RNF214: variants seen among roughly 807,000 people sequenced by gnomAD.
RNF214 encodes the protein ring finger protein 214.
RNF214 carries 25 observed loss-of-function variants against 75.9 expected under a neutral mutation model. The observed-to-expected ratio is 0.33, with a 90% CI of 0.24 to 0.46. The LOEUF (loss-of-function observed/expected upper bound fraction) is 0.46, where lower values mean the gene tolerates loss of function less well. Among genes scored for constraint, RNF214 ranks in the 20% least tolerant of loss-of-function variants. The pLI, the probability that RNF214 is intolerant of heterozygous loss-of-function variation, is 1.00. For synonymous variants in RNF214, 314 were observed against 308.8 expected (o/e 1.02, Z -0.18); for missense variants, 725 against 857.5 (o/e 0.85, Z 1.93).
chr11:117,253,613 G>C (rs1333081816), intron 6 of RNF214, among the ~76,000 whole-genome samples: 1 of 152,050 alleles, frequency 6.6e-6, no homozygotes. Context: ...AGGCCAAGGC[G>C]GGAGGATTGC....
At chr11:117,257,947 A>G (rs1466915552) in intron 6 of RNF214, among the ~76,000 whole-genome samples, 1 of 152,210 alleles carries the variant, frequency 6.6e-6, no homozygotes, top group African/African-American at 2.4e-5. Context: ...AAAATTTTCA[A>G]ACATTGAGAG....
rs191012292 is a variant in RNF214 at position 117,244,635 on chromosome 11, T to A, written c.819+50T>A. The A allele has an allele frequency of 2.1e-6, 3 of 1,419,592 alleles. No individual in the cohort carries two copies. The East Asian group carries it at 7.4e-5, about 35-fold the overall frequency. The allele number at this position is 1,419,592 out of a possible 1,614,324, so 87.9% of individuals were successfully genotyped here. On this transcript the variant is annotated intron_variant, in intron 5 of 14. Transcript: ENST00000300650. ...CAATGAGTTAAGCAACAGTCTCTGATCAAACTTTAATTTTTTAAAAAACTT... is the reference window on the plus strand; with the variant it reads ...CAATGAGTTAAGCAACAGTCTCTGAACAAACTTTAATTTTTTAAAAAACTT...
At chr11:117,234,107 A>G (rs1476282492) in intron 1 of RNF214, among the ~76,000 whole-genome samples, 160 bp from the exon 2 acceptor site, 1 of 152,180 alleles carries the variant, frequency 6.6e-6, no homozygotes, top group African/African-American at 2.4e-5. Flanking sequence ...CTTTGCATAC[A>G]ATGTCTCTTT....
At chr11:117,267,541 C>T (rs555243596) in intron 6 of RNF214, among the ~76,000 whole-genome samples, 4 of 151,608 alleles carry the variant, frequency 2.6e-5, no homozygotes, top group Admixed American at 6.6e-5. Flanking sequence ...ATGAAACCCC[C>T]GTCTCTACAA....
chr11:117,246,131 AT>A (rs980055045), intron 5 of RNF214, among the ~76,000 whole-genome samples: 1 of 151,968 alleles, frequency 6.6e-6, no homozygotes, highest in East Asian at 1.9e-4. Flanking sequence ...CACCTGGCTA[AT>A]TTTTTTTATT....
At chr11:117,279,005 G>C (rs2034072223) in intron 6 of RNF214, among the ~76,000 whole-genome samples, 1 of 152,186 alleles carries the variant, frequency 6.6e-6, no homozygotes. Flanking sequence ...GCTAAGGCAA[G>C]AAGATTGCTT....
At chr11:117,280,328 C>A in intron 8 of RNF214, 69 bp downstream of exon 8, 1 of 1,049,682 alleles carries the variant, frequency 9.5e-7, no homozygotes, top group Non-Finnish European at 1.5e-6. Context: ...TAGGTTTTTT[C>A]ATTCCTAGGC....
Position 117,241,932 on chromosome 11 carries a change from A to G in RNF214, c.678+2072A>G, listed in dbSNP as rs149448622. Among the ~76,000 whole-genome samples, 675 of 152,340 alleles carry G rather than the reference A, an allele frequency of 4.4e-3. 5 individuals carry two copies. The highest frequency in any genetic ancestry group is 0.012 in the African/African-American group (491 of 41,576). On this transcript the variant is annotated intron_variant, in intron 4 of 14. Transcript: ENST00000300650. ...TTATAATACAGTGGGATCTCTCAGT[A>G]TCTCTCATTCTAGACACTATTTCTT...
chr11:117,282,068 C>T lies in RNF214; in HGVS notation c.1510C>T (p.Pro504Ser). 4 of 1,614,146 alleles carry T rather than the reference C, an allele frequency of 2.5e-6. No individual in the cohort carries two copies. The highest frequency in any genetic ancestry group is 2.5e-6 in the Non-Finnish European group (3 of 1,180,032). The change falls in exon 11 of 15, where the codon CCT (proline) becomes TCT (serine). Residue 504 changes from proline (P) to serine (S), a missense_variant. Physicochemically the swap from Pro to Ser is moderately conservative, Grantham distance 74. Coordinates refer to ENST00000300650, the MANE Select transcript of RNF214 (RefSeq NM_207343.4). ...SQPSQPSSPLPGSHGRNSPGL... is the reference protein window; with the variant it reads ...SQPSQPSSPLSGSHGRNSPGL... ...GCCCAGCCAGCCTTCCTCACCCCTTCCTGGCTCCCATGGCAGAAATAGCCC... is the reference window on the plus strand; with the variant it reads ...GCCCAGCCAGCCTTCCTCACCCCTTTCTGGCTCCCATGGCAGAAATAGCCC...
chr11:117,249,830 T>C (rs1235297528), intron 6 of RNF214, among the ~76,000 whole-genome samples: 1 of 152,222 alleles, frequency 6.6e-6, no homozygotes. Flanking sequence ...GTTCCCACTT[T>C]ATGACTTCAT....
intron 14 of RNF214, among the ~76,000 whole-genome samples, chr11:117,283,726 T>TTATA (rs1338383952): frequency 1.3e-5 from 2 of 152,110 alleles, no homozygotes; most frequent in Non-Finnish European, 2.9e-5. Context: ...AGTGGCACGA[T>TTATA]TATAGCTCAC....
intron 14 of RNF214, among the ~76,000 whole-genome samples, chr11:117,283,819 AT>A (rs1023246280): frequency 4.8e-5 from 7 of 147,322 alleles, no homozygotes; most frequent in South Asian, 4.3e-4. Context: ...TGCCCAGCTA[AT>A]TTTTTTTTTC....
intron 6 of RNF214, among the ~76,000 whole-genome samples, chr11:117,263,209 A>G (rs989488399): frequency 1.3e-5 from 2 of 151,786 alleles, no homozygotes; most frequent in Non-Finnish European, 2.9e-5. Flanking sequence ...TAGGGGAGGG[A>G]AAAATGGTTT....
At chr11:117,235,934 T>G (rs2032895638) in intron 2 of RNF214, among the ~76,000 whole-genome samples, 1 of 151,922 alleles carries the variant, frequency 6.6e-6, no homozygotes, top group African/African-American at 2.4e-5. Context: ...ACATTCTACA[T>G]AAAGAGGCTG....
At chr11:117,283,242 A>T in intron 14 of RNF214, 32 bp downstream of exon 14, 1 of 1,402,650 alleles carries the variant, frequency 7.1e-7, no homozygotes, top group Non-Finnish European at 1.0e-6. Context: ...CATTTTCTAC[A>T]CTTTTTCTTC....
At position 117,238,827 on chromosome 11, in the gene RNF214, G is replaced by A; in HGVS notation, c.334G>A (p.Val112Met). The change falls in exon 3 of 15, where the codon GTG becomes ATG. Residue 112 changes from valine (V) to methionine (M), a missense_variant. By Grantham distance (21) the Val-to-Met change is conservative. This residue lies in a region of RNF214 where 362 missense variants were observed against 344.5 expected (regional missense o/e 1.05). Transcript: ENST00000300650. The stretch of plus-strand genomic sequence containing the variant: ...TGGGTCTCAGTCTGATTTGAAGGAT[G>A]TGGCCAGCACAGCAGGAGAGGAGGG... ...GSGSQSDLKD[V>M]ASTAGEEGDT... The A allele has an allele frequency of 6.2e-7, 1 of 1,614,238 alleles. No individual in the cohort carries two copies. Among genetic ancestry groups the A allele is most frequent in the Non-Finnish European group, 8.5e-7 (1 of 1,180,048 alleles).
chr11:117,238,597 A>C lies in RNF214; in HGVS notation c.108-4A>C, dbSNP rs761038041. ...CTTTTCTTTTTATCTTGTGTGTTTG[A>C]TAGCACCAAAGACTCTGCACAGAAG... On this transcript the variant is annotated splice_region_variant and splice_polypyrimidine_tract_variant and intron_variant, in intron 2 of 14. Transcript: ENST00000300650. 6.2e-7 allele frequency: 1 copy of C among 1,600,524 alleles called. No individual in the cohort carries two copies. The highest frequency in any genetic ancestry group is 8.5e-7 in the Non-Finnish European group (1 of 1,173,296).
intron 2 of RNF214, among the ~76,000 whole-genome samples, chr11:117,235,340 G>A (rs918368424): frequency 1.2e-4 from 18 of 151,456 alleles, no homozygotes; most frequent in African/African-American, 4.3e-4. Flanking sequence ...GGGACTACAG[G>A]CGCCCGCCAC....
At chr11:117,255,244 A>G (rs1430164316) in intron 6 of RNF214, among the ~76,000 whole-genome samples, 1 of 152,174 alleles carries the variant, frequency 6.6e-6, no homozygotes, top group Non-Finnish European at 1.5e-5. Flanking sequence ...TTTTCTAACC[A>G]TCAGCAGAGG....
Sources: gnomAD v4.1 joint callset for allele counts (sites outside exome capture counted in the v4.1 genomes callset) on GRCh38, gnomAD v4.1.1 for gene constraint, gnomAD v4.1.1 regional missense constraint, MANE v1.5 for transcripts, NCBI Gene and HGNC (gene_info 2026-07-23, HGNC 2026-07-21) for gene names.